The following ACACA variants were observed in gnomAD, a reference collection of about 807,000 sequenced individuals.
The protein encoded by ACACA is acetyl-CoA carboxylase 1.
ACACA carries 103 observed loss-of-function variants against 296.1 expected under a neutral mutation model. That is an observed-to-expected ratio of 0.35 (90% CI 0.30 to 0.41). The LOEUF (loss-of-function observed/expected upper bound fraction) is 0.41, where lower values mean the gene tolerates loss of function less well. ACACA is among the 10% of genes least tolerant of loss of function. The probability of loss-of-function intolerance (pLI) is 1.00; values close to 1 mark genes in which losing one functional copy is unlikely to be tolerated. For synonymous variants in ACACA, 953 were observed against 1,038.6 expected (o/e 0.92, Z 1.58); for missense variants, 1,554 against 2,989.7 (o/e 0.52, Z 11.20).
chr17:37,334,431 C>T (rs1053592413), intron 2 of ACACA, among the ~76,000 whole-genome samples: 1 of 152,046 alleles, frequency 6.6e-6, no homozygotes, highest in African/African-American at 2.4e-5. Context: ...TCTAATTCCC[C>T]ATCCCTAGAT....
rs758570315 is a variant in ACACA at position 37,330,270 on chromosome 17, C to T, written c.241G>A (p.Glu81Lys). Residue 81 changes from glutamate to lysine, a missense_variant, in exon 3 of 56, where the codon GAG becomes AAG. Physicochemically the swap from Glu to Lys is moderately conservative, Grantham distance 56. Transcript: ENST00000616317. The part of the protein sequence containing the change: ...SNLVKLDLLE[E>K]KEGSLSPASV... ...GCAGGTGACAAGGAGCCCTCCTTCT[C>T]CTCCAGTAGGTCCAACTTCACCAGG... The T allele has an allele frequency of 3.1e-6, 5 of 1,614,198 alleles. No individual in the cohort carries two copies. The highest frequency in any genetic ancestry group is 3.4e-6 in the Non-Finnish European group (4 of 1,180,048).
intron 1 of ACACA, among the ~76,000 whole-genome samples, chr17:37,390,705 A>G (rs1258714944): frequency 6.6e-6 from 1 of 151,012 alleles, no homozygotes; most frequent in Non-Finnish European, 1.5e-5. Flanking sequence ...AGGTGGGAGG[A>G]TCACTTGGGC....
chr17:37,191,896 A>C (rs2077770729), intron 37 of ACACA, among the ~76,000 whole-genome samples, 194 bp downstream of exon 37: 1 of 152,144 alleles, frequency 6.6e-6, no homozygotes, highest in Non-Finnish European at 1.5e-5. Flanking sequence ...TTGTAAAAAA[A>C]AAAAAGCCTT....
intron 41 of ACACA, among the ~76,000 whole-genome samples, chr17:37,174,223 T>TA (rs773130340): frequency 1.6e-3 from 219 of 140,760 alleles, no homozygotes; most frequent in Middle Eastern, 3.8e-3. Flanking sequence ...TCCTCTTCTT[T>TA]AAAAAAAAAA....
At chr17:37,174,253 G>C (rs1427503261) in intron 41 of ACACA, among the ~76,000 whole-genome samples, 4 of 150,212 alleles carry the variant, frequency 2.7e-5, no homozygotes, top group African/African-American at 9.8e-5. Context: ...CTAATGCAAG[G>C]TTCAAAGGAT....
chr17:37,213,070 C>A (rs1282545157), intron 29 of ACACA, among the ~76,000 whole-genome samples: 3 of 151,938 alleles, frequency 2.0e-5, no homozygotes, highest in African/African-American at 7.2e-5. Flanking sequence ...ATAATTCCAG[C>A]GCTTTGGGAG....
intron 54 of ACACA, among the ~76,000 whole-genome samples, chr17:37,095,916 C>T (rs1223176952): frequency 2.6e-5 from 4 of 152,104 alleles, no homozygotes; most frequent in African/African-American, 4.8e-5. Context: ...GCTTGAGACC[C>T]GCCCCATCCC....
chr17:37,093,640 T>G (rs561554347), intron 54 of ACACA, among the ~76,000 whole-genome samples: 1 of 152,144 alleles, frequency 6.6e-6, no homozygotes, highest in African/African-American at 2.4e-5. Flanking sequence ...TAGGACTACA[T>G]GTGTGTGCCA....
chr17:37,142,054 T>A lies in ACACA; in HGVS notation c.5679+7810A>T, dbSNP rs1423244983. On this transcript the variant is annotated intron_variant, in intron 45 of 55. Transcript: ENST00000616317. ...CTAAAGGTTCTGTAACTCCAAAAAA[T>A]TTGAGCACATTCATAATAGGTTGTC... 3.3e-5 allele frequency among the ~76,000 whole-genome samples: 5 copies of A among 151,568 alleles called. No individual in the cohort carries two copies. In the East Asian group the frequency reaches 9.7e-4, roughly 29 times the overall value.
chr17:37,399,465 TTAGGAG>T (rs2051209195), intron 1 of ACACA, among the ~76,000 whole-genome samples: 1 of 152,168 alleles, frequency 6.6e-6, no homozygotes, highest in African/African-American at 2.4e-5. Flanking sequence ...GCAAAATAAT[TTAGGAG>T]CCTGTTTTGA....
intron 47 of ACACA, among the ~76,000 whole-genome samples, chr17:37,128,023 T>TAAAA (rs2074890198): frequency 0.076 from 1,703 of 22,520 alleles, 218 homozygotes; most frequent in East Asian, 0.17. Flanking sequence ...AAACTCCATC[T>TAAAA]CAAAAAAAAA....
intron 22 of ACACA, among the ~76,000 whole-genome samples, chr17:37,242,796 T>C (rs1030958470): frequency 3.3e-5 from 5 of 152,084 alleles, no homozygotes; most frequent in Non-Finnish European, 5.9e-5. Flanking sequence ...CCCAGCACTT[T>C]GGGAGGCCGA....
chr17:37,114,778 T>C (rs369324468), intron 50 of ACACA, among the ~76,000 whole-genome samples: 2 of 152,192 alleles, frequency 1.3e-5, no homozygotes, highest in South Asian at 2.1e-4. Flanking sequence ...CCTTTCTAAA[T>C]ACCAAATAAC....
intron 3 of ACACA, among the ~76,000 whole-genome samples, chr17:37,300,617 A>G (rs1041728698): frequency 6.6e-6 from 1 of 152,164 alleles, no homozygotes; most frequent in African/African-American, 2.4e-5. Context: ...CCTGGAGCAT[A>G]GATAGAAGTT....
chr17:37,192,811 C>T (rs928708822), intron 36 of ACACA, among the ~76,000 whole-genome samples: 1 of 152,028 alleles, frequency 6.6e-6, no homozygotes, highest in African/African-American at 2.4e-5. Flanking sequence ...GGCTTTGGAA[C>T]ACTATATCCA....
chr17:37,356,270 G>T (rs1033003947), intron 1 of ACACA, among the ~76,000 whole-genome samples: 1 of 152,160 alleles, frequency 6.6e-6, no homozygotes, highest in African/African-American at 2.4e-5. Flanking sequence ...TATCTCAATA[G>T]TTAATAGGAA....
At chr17:37,364,586 G>A (rs1325829224) in intron 1 of ACACA, among the ~76,000 whole-genome samples, 11 of 96,964 alleles carry the variant, frequency 1.1e-4, no homozygotes, top group East Asian at 2.5e-4. Flanking sequence ...GAGAGACTCC[G>A]TCTCAAAAAA....
rs756170515 is a variant in ACACA at position 37,086,844 on chromosome 17, A to G, written c.*472T>C. 1 of 233,560 alleles carries G rather than the reference A, an allele frequency of 4.3e-6. No individual in the cohort carries two copies. Among genetic ancestry groups the G allele is most frequent in the Non-Finnish European group, 8.6e-6 (1 of 116,338 alleles). The allele number at this position is 233,560 out of a possible 1,614,324, so 14.5% of individuals were successfully genotyped here. ...GGGCTAAGAGTCGGGGTAATAAACA[A>G]TGGACTTGAGGCTTCCTCCTCTCCT... On this transcript the variant is annotated 3_prime_UTR_variant, in exon 56 of 56. Transcript: ENST00000616317.
chr17:37,147,966 G>T (rs1159257112), intron 45 of ACACA, among the ~76,000 whole-genome samples: 1 of 151,978 alleles, frequency 6.6e-6, no homozygotes, highest in East Asian at 1.9e-4. Context: ...CCCAACATCT[G>T]CTTTTTGTAA....
Sources: allele counts gnomAD v4.1 joint callset (sites outside exome capture counted in the v4.1 genomes callset), GRCh38; gene constraint gnomAD v4.1.1; transcripts MANE v1.5; gene names NCBI Gene and HGNC (gene_info 2026-07-23, HGNC 2026-07-21).